The following OPCML variants were observed in gnomAD, a reference collection of about 807,000 sequenced individuals.
OPCML encodes opioid binding protein/cell adhesion molecule like, also known as opioid-binding protein/cell adhesion molecule.
In OPCML, 13 loss-of-function variants were observed where a neutral mutation model predicts 37.8. That is an observed-to-expected ratio of 0.34 (90% CI 0.22 to 0.55). The LOEUF (loss-of-function observed/expected upper bound fraction) is 0.55, where lower values mean the gene tolerates loss of function less well. Among genes scored for constraint, OPCML ranks in the 20% least tolerant of loss-of-function variants. The pLI, the probability that OPCML is intolerant of heterozygous loss-of-function variation, is 0.91. For synonymous variants in OPCML, 176 were observed against 168.8 expected (o/e 1.04, Z -0.33); for missense variants, 341 against 435.6 (o/e 0.78, Z 1.93).
rs988568873 is a variant in OPCML at position 132,418,178 on chromosome 11, A to C, written c.*2015T>G. ...AAGACCAGTTAAGCATTAAGGGCACAGAATTCAATGGTGCTCATATTTTTT... is the reference window on the plus strand; with the variant it reads ...AAGACCAGTTAAGCATTAAGGGCACCGAATTCAATGGTGCTCATATTTTTT... On this transcript the variant is annotated 3_prime_UTR_variant, in exon 8 of 8. Transcript: ENST00000524381. 4 of 152,254 alleles carry C rather than the reference A, an allele frequency of 2.6e-5. No individual in the cohort carries two copies. Among genetic ancestry groups the C allele is most frequent in the Non-Finnish European group, 4.4e-5 (3 of 68,048 alleles). 9.4% of individuals were successfully genotyped at this position (152,254 alleles called of 1,614,324 possible).
chr11:133,354,862 A>T (rs1012677209), intron 1 of OPCML, among the ~76,000 whole-genome samples: 7 of 152,248 alleles, frequency 4.6e-5, no homozygotes, highest in African/African-American at 1.7e-4. Context: ...TTACATGCCT[A>T]CAGAATGTGA....
At chr11:132,698,808 A>G (rs986084052) in intron 2 of OPCML, among the ~76,000 whole-genome samples, 1 of 152,042 alleles carries the variant, frequency 6.6e-6, no homozygotes, top group African/African-American at 2.4e-5. Flanking sequence ...ATTTTCATAT[A>G]TATATAGTTG....
intron 1 of OPCML, chr11:133,008,795 GT>G: frequency 1.6e-6 from 1 of 638,912 alleles, no homozygotes; most frequent in Non-Finnish European, 1.9e-6. Context: ...CTGTTCATAG[GT>G]GTTCTTCCTG....
At chr11:132,624,378 C>T (rs898088760) in intron 3 of OPCML, among the ~76,000 whole-genome samples, 4 of 152,074 alleles carry the variant, frequency 2.6e-5, no homozygotes. Context: ...GCTTTGTTTC[C>T]TTTCACATTT....
intron 2 of OPCML, among the ~76,000 whole-genome samples, chr11:132,660,971 A>G (rs7935939): frequency 0.48 from 73,530 of 152,012 alleles, 17,973 homozygotes; most frequent in Middle Eastern, 0.58. Context: ...CCTGAATCCT[A>G]TCGTTGTCCT....
At chr11:133,084,033 T>C (rs1451331182) in intron 1 of OPCML, among the ~76,000 whole-genome samples, 1 of 152,304 alleles carries the variant, frequency 6.6e-6, no homozygotes, top group East Asian at 1.9e-4. Context: ...CCTAACTAGA[T>C]GGCAAATTCT....
chr11:132,799,993 T>A (rs1390674923), intron 2 of OPCML, among the ~76,000 whole-genome samples: 1 of 152,258 alleles, frequency 6.6e-6, no homozygotes, highest in Admixed American at 6.5e-5. Flanking sequence ...AAGAACTTAT[T>A]AAATCTTGAC....
At chr11:132,580,445 A>C (rs2137627762) in intron 3 of OPCML, among the ~76,000 whole-genome samples, 1 of 152,356 alleles carries the variant, frequency 6.6e-6, no homozygotes, top group South Asian at 2.1e-4. Context: ...GGAAAGTAAT[A>C]AGTGCAGATG....
At chr11:133,447,515 C>A (rs1354867985) in intron 1 of OPCML, among the ~76,000 whole-genome samples, 3 of 152,170 alleles carry the variant, frequency 2.0e-5, no homozygotes, top group African/African-American at 7.2e-5. Flanking sequence ...GCCCTGGCCT[C>A]CTTCTCTCCC....
chr11:132,545,328 A>T (rs182875327), intron 3 of OPCML, among the ~76,000 whole-genome samples: 2 of 152,212 alleles, frequency 1.3e-5, no homozygotes, highest in Non-Finnish European at 2.9e-5. Context: ...ATAGCCTGGT[A>T]TCAGAGTATC....
intron 2 of OPCML, among the ~76,000 whole-genome samples, chr11:132,705,835 T>C (rs957638346): frequency 6.6e-6 from 1 of 152,076 alleles, no homozygotes; most frequent in Non-Finnish European, 1.5e-5. Context: ...TTCGAGACAG[T>C]CTCACTCTGT....
chr11:132,918,893 G>T (rs1024025088), intron 2 of OPCML, among the ~76,000 whole-genome samples: 2 of 152,160 alleles, frequency 1.3e-5, no homozygotes, highest in Admixed American at 6.5e-5. Flanking sequence ...ACTGACTGTT[G>T]TCTTATCTTT....
intron 1 of OPCML, among the ~76,000 whole-genome samples, chr11:133,397,845 A>T (rs1168650397): frequency 2.0e-5 from 3 of 152,254 alleles, no homozygotes; most frequent in Non-Finnish European, 4.4e-5. Context: ...ATGCTGTTCA[A>T]TTGCCAGGTC....
chr11:132,750,915 C>T (rs898377629), intron 2 of OPCML, among the ~76,000 whole-genome samples: 9 of 151,968 alleles, frequency 5.9e-5, no homozygotes, highest in East Asian at 3.9e-4. Context: ...GGTATTAACA[C>T]GGTATATTTT....
chr11:133,118,821 G>T (rs1949377781), intron 1 of OPCML, among the ~76,000 whole-genome samples: 2 of 152,168 alleles, frequency 1.3e-5, no homozygotes, highest in Non-Finnish European at 2.9e-5. Context: ...CTCTCTGGCA[G>T]CCAGGAACAC....
chr11:133,531,259 T>C (rs937182088), intron 1 of OPCML, among the ~76,000 whole-genome samples: 1 of 152,192 alleles, frequency 6.6e-6, no homozygotes, highest in Non-Finnish European at 1.5e-5. Flanking sequence ...ATCAAATCTA[T>C]TAAGATGCCT....
intron 1 of OPCML, among the ~76,000 whole-genome samples, chr11:133,244,818 C>G (rs1279640022): frequency 2.0e-5 from 3 of 152,172 alleles, no homozygotes; most frequent in Non-Finnish European, 4.4e-5. Context: ...GCTGTTGAAG[C>G]TGGGAGTCGA....
At chr11:132,896,363 G>A (rs1193449277) in intron 2 of OPCML, among the ~76,000 whole-genome samples, 2 of 152,188 alleles carry the variant, frequency 1.3e-5, no homozygotes, top group Non-Finnish European at 2.9e-5. Context: ...CTGTAGACCA[G>A]ACCTTACAAT....
intron 3 of OPCML, among the ~76,000 whole-genome samples, chr11:132,602,197 G>A (rs1281576736): frequency 2.0e-5 from 3 of 151,964 alleles, no homozygotes; most frequent in Non-Finnish European, 4.4e-5. Context: ...ATCTCACAAT[G>A]GACTATTTTT....
Sources: allele counts gnomAD v4.1 joint callset (sites outside exome capture counted in the v4.1 genomes callset), GRCh38; gene constraint gnomAD v4.1.1; transcripts MANE v1.5; gene names NCBI Gene and HGNC (gene_info 2026-07-23, HGNC 2026-07-21).